SRPRB: variants seen among roughly 807,000 people sequenced by gnomAD.
SRPRB encodes SRP receptor subunit beta, also known as signal recognition particle receptor subunit beta.
In SRPRB, 20 loss-of-function variants were observed where a neutral mutation model predicts 31.9. That is an observed-to-expected ratio of 0.63 (90% CI 0.44 to 0.91). The LOEUF (loss-of-function observed/expected upper bound fraction) is 0.91. SRPRB is among the 40% of genes least tolerant of loss of function. SRPRB has a pLI of 0.00. For missense variants in SRPRB, 321 were observed against 324.9 expected (o/e 0.99, Z 0.09); for synonymous variants, 146 against 132.8 (o/e 1.10, Z -0.68).
chr3:133,809,494 T>G (rs958986160), intron 3 of SRPRB, among the ~76,000 whole-genome samples: 4 of 152,240 alleles, frequency 2.6e-5, no homozygotes, highest in Non-Finnish European at 5.9e-5. Flanking sequence ...CTTTGTTTTT[T>G]TTTTCAATGA....
chr3:133,818,584 T>TG (rs1165112406), intron 6 of SRPRB, among the ~76,000 whole-genome samples: 1 of 26,882 alleles, frequency 3.7e-5, no homozygotes, highest in African/African-American at 4.7e-4. Context: ...CATGTTTTAC[T>TG]TTTTTCCTTA....
upstream of SRPRB, among the ~76,000 whole-genome samples, chr3:133,804,707 C>G (rs1425564075): frequency 1.3e-5 from 2 of 151,778 alleles, no homozygotes; most frequent in Non-Finnish European, 2.9e-5. Flanking sequence ...GGCCTTTCAC[C>G]AGCTCCATTT....
chr3:133,813,948 G>C (rs565735930), intron 4 of SRPRB, among the ~76,000 whole-genome samples: 2 of 152,310 alleles, frequency 1.3e-5, no homozygotes, highest in Non-Finnish European at 2.9e-5. Context: ...CCCTATATCT[G>C]TGTGAGGCAG....
At chr3:133,813,263 C>G (rs1935307332) in intron 4 of SRPRB, among the ~76,000 whole-genome samples, 2 of 152,204 alleles carry the variant, frequency 1.3e-5, no homozygotes, top group Non-Finnish European at 2.9e-5. Flanking sequence ...ACCAAAGATT[C>G]TCCTCAGTTT....
At position 133,818,085 on chromosome 3, in the gene SRPRB, C is replaced by T. The variant is rs375221969; in HGVS notation, c.602+1153C>T. Among the ~76,000 whole-genome samples, 22 of 152,324 alleles carry T rather than the reference C, an allele frequency of 1.4e-4. 1 individual carries two copies. The highest frequency in any genetic ancestry group is 3.9e-4 in the East Asian group (2 of 5,186). On this transcript the variant is annotated intron_variant, in intron 6 of 6. Coordinates refer to ENST00000678299, the MANE Select transcript of SRPRB (RefSeq NM_001379313.1). ...GAGTTTATCACCCTGTCCTCCTGTG[C>T]TCTTGATGCTCACTCTCTTGGATTG...
chr3:133,787,415 C>A (rs1445605635), intron 1 of SRPRB: 1 of 152,122 alleles, frequency 6.6e-6, no homozygotes, highest in East Asian at 1.9e-4. Context: ...TTAGAAGATA[C>A]CTCCGATTAT....
intron 1 of SRPRB, chr3:133,789,772 T>C (rs1401508830): frequency 6.6e-6 from 1 of 152,204 alleles, no homozygotes; most frequent in Admixed American, 6.5e-5. Flanking sequence ...GCATATATTT[T>C]TGTCTGGGTT....
At chr3:133,805,550 T>C (rs1935133123), upstream of SRPRB, 1 of 274,200 alleles carries the variant, frequency 3.6e-6, no homozygotes, top group Admixed American at 5.3e-5. Flanking sequence ...TCGGGAGCCA[T>C]TCATTCATTT....
At chr3:133,789,879 GTTTTTTTTTTTTTTTTTT>G (rs56267966) in intron 1 of SRPRB, 1 of 88,982 alleles carries the variant, frequency 1.1e-5, no homozygotes, top group Admixed American at 1.2e-4. Flanking sequence ...TCTCGTTTGC[GTTTTTTTTTTTTTTTTTT>G]TTTTTTTTTT....
At chr3:133,816,465 T>C (rs1935369053) in intron 5 of SRPRB, among the ~76,000 whole-genome samples, 1 of 152,220 alleles carries the variant, frequency 6.6e-6, no homozygotes, top group East Asian at 1.9e-4. Flanking sequence ...CATACCGTCT[T>C]AGGATCAATT....
At chr3:133,812,023 C>G (rs780834732) in intron 4 of SRPRB, among the ~76,000 whole-genome samples, 4 of 152,126 alleles carry the variant, frequency 2.6e-5, no homozygotes, top group Non-Finnish European at 4.4e-5. Flanking sequence ...TCAGATGCTT[C>G]TTTTTTGGTC....
At chr3:133,801,877 T>C (rs1454383999), upstream of SRPRB, among the ~76,000 whole-genome samples, 5 of 152,214 alleles carry the variant, frequency 3.3e-5, no homozygotes, top group Non-Finnish European at 2.9e-5. Flanking sequence ...AAGCCTCACA[T>C]CTTAACCGTC....
intron 1 of SRPRB, among the ~76,000 whole-genome samples, chr3:133,796,975 A>G (rs961594319): frequency 6.6e-6 from 1 of 152,254 alleles, no homozygotes; most frequent in Non-Finnish European, 1.5e-5. Flanking sequence ...ACAGTATGAC[A>G]CAATTGACTG....
chr3:133,800,120 C>G (rs1247658192), intron 1 of SRPRB, among the ~76,000 whole-genome samples: 4 of 152,132 alleles, frequency 2.6e-5, no homozygotes, highest in Non-Finnish European at 5.9e-5. Context: ...CCTTAAATCC[C>G]CCTCCTTGGT....
intron 1 of SRPRB, chr3:133,786,388 C>T (rs1398131943): frequency 1.3e-5 from 2 of 152,020 alleles, no homozygotes; most frequent in African/African-American, 4.8e-5. Flanking sequence ...GGCCAAACCA[C>T]CTGTTAATAA....
chr3:133,785,124 G>A (rs1934630039), intron 1 of SRPRB: 3 of 124,906 alleles, frequency 2.4e-5, no homozygotes, highest in Non-Finnish European at 5.3e-5. Context: ...GAGGGAGGTG[G>A]GGGGGTCAGC....
chr3:133,807,660 T>G lies in SRPRB; in HGVS notation c.250-86T>G, dbSNP rs1935186789. ...GGAAGCAGCATTCATTTACTTAACCTTACACCTGGGAGACTTAGAATAATA... is the reference window on the plus strand; with the variant it reads ...GGAAGCAGCATTCATTTACTTAACCGTACACCTGGGAGACTTAGAATAATA... On this transcript the variant is annotated intron_variant, in intron 2 of 6. Transcript: ENST00000678299. 3 of 913,000 alleles carry G rather than the reference T, an allele frequency of 3.3e-6. No individual in the cohort carries two copies. In the South Asian group the frequency reaches 4.3e-5, roughly 13 times the overall value. The allele number at this position is 913,000 out of a possible 1,614,324, so 56.6% of individuals were successfully genotyped here.
At chr3:133,826,800 G>GC (rs1267087056), downstream of SRPRB, 1 of 152,666 alleles carries the variant, frequency 6.6e-6, no homozygotes, top group Non-Finnish European at 1.5e-5. Context: ...TCAACACGTT[G>GC]CAGTACTTTT....
At chr3:133,804,225 G>C (rs1240048317), upstream of SRPRB, among the ~76,000 whole-genome samples, 1 of 152,006 alleles carries the variant, frequency 6.6e-6, no homozygotes, top group Non-Finnish European at 1.5e-5. Context: ...CAAAGCGCTG[G>C]GATTAATAGC....
Sources: gnomAD v4.1 joint callset for allele counts (sites outside exome capture counted in the v4.1 genomes callset) on GRCh38, gnomAD v4.1.1 for gene constraint, MANE v1.5 for transcripts, NCBI Gene and HGNC (gene_info 2026-07-23, HGNC 2026-07-21) for gene names.